The following CELF2 variants were observed in gnomAD, a reference collection of about 807,000 sequenced individuals.
CELF2 encodes the protein CUGBP Elav-like family member 2.
CELF2 carries 8 observed loss-of-function variants against 62.6 expected under a neutral mutation model. That is an observed-to-expected ratio of 0.13 (90% CI 0.07 to 0.23). CELF2 has a LOEUF of 0.23. Ranked by LOEUF, CELF2 falls within the 10% of genes least tolerant of loss-of-function variation. The pLI, the probability that CELF2 is intolerant of heterozygous loss-of-function variation, is 1.00. For missense variants in CELF2, 333 were observed against 671.0 expected (o/e 0.50, Z 5.56); for synonymous variants, 258 against 250.0 (o/e 1.03, Z -0.30).
chr10:10,950,331 T>C (rs1181742155), intron 2 of CELF2, among the ~76,000 whole-genome samples: 1 of 152,098 alleles, frequency 6.6e-6, no homozygotes, highest in Non-Finnish European at 1.5e-5. Flanking sequence ...TGTGCTTCTC[T>C]CTGTGGTCCC....
chr10:11,073,716 G>A (rs937612305), intron 1 of CELF2, among the ~76,000 whole-genome samples: 2 of 152,162 alleles, frequency 1.3e-5, no homozygotes, highest in African/African-American at 4.8e-5. Flanking sequence ...TCTTACTAAC[G>A]CTGACTGAGG....
At chr10:10,777,307 G>A in the CELF2 span, among the ~76,000 whole-genome samples, 1 of 152,142 alleles carries the variant, frequency 6.6e-6, no homozygotes, top group African/African-American at 2.4e-5. Context: ...TCCTCATACA[G>A]ATGTCCCAGG....
chr10:11,240,853 A>G (rs367721592), intron 3 of CELF2, among the ~76,000 whole-genome samples: 14 of 152,232 alleles, frequency 9.2e-5, no homozygotes, highest in African/African-American at 3.4e-4. Context: ...AGAAACCCCA[A>G]ACTTATTTAC....
At chr10:11,006,367 A>G (rs75168387) in intron 1 of CELF2, among the ~76,000 whole-genome samples, 10,841 of 152,184 alleles carry the variant, frequency 0.071, 420 homozygotes, top group Middle Eastern at 0.14. Flanking sequence ...TTTAGTATCT[A>G]CCGTTCATAG....
chr10:10,621,040 G>A, the CELF2 span, among the ~76,000 whole-genome samples: 10 of 149,898 alleles, frequency 6.7e-5, no homozygotes, highest in South Asian at 2.1e-4. Flanking sequence ...TGGCTAACAC[G>A]GTGAAACCCC....
At chr10:11,035,660 A>G (rs2060828244) in intron 1 of CELF2, among the ~76,000 whole-genome samples, 1 of 152,130 alleles carries the variant, frequency 6.6e-6, no homozygotes, top group Admixed American at 6.5e-5. Flanking sequence ...TCTTTCTCCT[A>G]CCGTGCTGGA....
chr10:10,716,284 G>T, the CELF2 span, among the ~76,000 whole-genome samples: 1 of 152,146 alleles, frequency 6.6e-6, no homozygotes, highest in Non-Finnish European at 1.5e-5. Flanking sequence ...AGTGGCTCAC[G>T]CCCATAATCC....
At chr10:11,263,764 C>T (rs189754650) in intron 5 of CELF2, among the ~76,000 whole-genome samples, 21 of 152,346 alleles carry the variant, frequency 1.4e-4, no homozygotes, top group Non-Finnish European at 2.6e-4. Flanking sequence ...AATCCTAAAG[C>T]CACCCATGTG....
At chr10:10,932,919 G>T (rs1304858579) in intron 2 of CELF2, among the ~76,000 whole-genome samples, 1 of 152,110 alleles carries the variant, frequency 6.6e-6, no homozygotes, top group African/African-American at 2.4e-5. Context: ...TTTGTTAAGA[G>T]AATAATGAAA....
At chr10:11,180,696 C>T (rs1006421273) in intron 2 of CELF2, among the ~76,000 whole-genome samples, 5 of 152,098 alleles carry the variant, frequency 3.3e-5, no homozygotes, top group Non-Finnish European at 5.9e-5. Context: ...ACTCGCCATG[C>T]GCTAGGTCCT....
the CELF2 span, among the ~76,000 whole-genome samples, chr10:10,607,158 C>T: frequency 6.6e-6 from 1 of 152,192 alleles, no homozygotes. Context: ...CAGTAATACT[C>T]CTAACACTGA....
At chr10:10,837,114 G>C (rs957788589) in intron 1 of CELF2, among the ~76,000 whole-genome samples, 2 of 152,188 alleles carry the variant, frequency 1.3e-5, no homozygotes, top group Non-Finnish European at 2.9e-5. Flanking sequence ...TGGTTTGGTT[G>C]TGTCCCCACC....
chr10:10,733,262 G>T, the CELF2 span, among the ~76,000 whole-genome samples: 1 of 152,134 alleles, frequency 6.6e-6, no homozygotes, highest in Admixed American at 6.5e-5. Context: ...ATTCTTGTTT[G>T]AATCACATGG....
chr10:10,588,299 T>C, the CELF2 span, among the ~76,000 whole-genome samples: 1 of 152,156 alleles, frequency 6.6e-6, no homozygotes, highest in Non-Finnish European at 1.5e-5. Context: ...AGGAAGACTA[T>C]TTCCTAACAG....
intron 1 of CELF2, among the ~76,000 whole-genome samples, chr10:11,063,784 T>A (rs752725494): frequency 1.3e-5 from 2 of 152,210 alleles, no homozygotes; most frequent in Admixed American, 6.5e-5. Context: ...ATCCACACAT[T>A]AAAATCACCT....
Position 11,269,317 on chromosome 10 carries a change from T to G in CELF2, c.619-1349T>G, listed in dbSNP as rs2083065342. On this transcript the variant is annotated intron_variant, in intron 6 of 12. Transcript: ENST00000633077. This position sits in a 1 kb window ranked among gnomAD's most constrained non-coding sequence, Gnocchi z 4.4. Reference sequence around the variant, plus strand: ...GACCAGTAGGCTGGAAGTTTAACACTGAAATATTCATCTCATTTTTCTCAC... The same window carrying G: ...GACCAGTAGGCTGGAAGTTTAACACGGAAATATTCATCTCATTTTTCTCAC... Among the ~76,000 whole-genome samples the G allele has an allele frequency of 6.6e-6, 1 of 152,208 alleles. No homozygotes were observed. Among genetic ancestry groups the G allele is most frequent in the South Asian group, 2.1e-4 (1 of 4,828 alleles).
intron 1 of CELF2, among the ~76,000 whole-genome samples, chr10:11,151,033 A>G (rs2063239238): frequency 6.6e-6 from 1 of 152,198 alleles, no homozygotes; most frequent in African/African-American, 2.4e-5. Context: ...GGAGCAAAAT[A>G]TTAGTTAAGG....
chr10:10,829,440 C>A (rs1021068839), intron 1 of CELF2, among the ~76,000 whole-genome samples: 4 of 152,214 alleles, frequency 2.6e-5, no homozygotes, highest in African/African-American at 7.2e-5. Flanking sequence ...ATCTGAGACT[C>A]ATGATCTATT....
At chr10:11,284,898 G>A (rs1012454868) in intron 8 of CELF2, among the ~76,000 whole-genome samples, 5 of 151,320 alleles carry the variant, frequency 3.3e-5, no homozygotes, top group Non-Finnish European at 4.4e-5. Context: ...GTGGGTGGAT[G>A]GGTGGATGGT....
Sources: gnomAD v4.1 joint callset for allele counts (sites outside exome capture counted in the v4.1 genomes callset) on GRCh38, gnomAD v4.1.1 for gene constraint, Gnocchi (gnomAD v3.1) non-coding constraint, MANE v1.5 for transcripts, NCBI Gene and HGNC (gene_info 2026-07-23, HGNC 2026-07-21) for gene names.